Variants in METTL15 observed in about 807,000 individuals in gnomAD.
METTL15 encodes the protein 12S rRNA N(4)-cytidine methyltransferase METTL15.
A neutral mutation model predicts 38.3 loss-of-function variants in METTL15; 34 were observed. That is an observed-to-expected ratio of 0.89 (90% CI 0.68 to 1.18). The LOEUF (loss-of-function observed/expected upper bound fraction) is 1.18, where lower values mean the gene tolerates loss of function less well. Ranked by LOEUF, METTL15 falls within the 50% of genes most tolerant of loss-of-function variation. METTL15 has a pLI of 0.00. For missense variants in METTL15, 438 were observed against 498.4 expected, an observed-to-expected ratio of 0.88 and a Z score of 1.15; for synonymous variants, 162 against 170.9, an observed-to-expected ratio of 0.95 and a Z score of 0.41.
chr11:28,301,660 G>A (rs1043907597), intron 6 of METTL15, among the ~76,000 whole-genome samples: 11 of 151,976 alleles, frequency 7.2e-5, no homozygotes, highest in Non-Finnish European at 4.4e-5. Flanking sequence ...TGTTGAAATG[G>A]TAATATTTTA....
At chr11:28,328,609 A>G (rs935126075) in intron 6 of METTL15, among the ~76,000 whole-genome samples, 2 of 152,130 alleles carry the variant, frequency 1.3e-5, no homozygotes, top group African/African-American at 2.4e-5. Flanking sequence ...CTTCAGGAGC[A>G]TGGTACAAAA....
intron 5 of METTL15, among the ~76,000 whole-genome samples, chr11:28,373,164 C>A (rs1467125310): frequency 6.6e-6 from 1 of 152,006 alleles, no homozygotes; most frequent in Admixed American, 6.6e-5. Context: ...TCAAATGGTA[C>A]TTCTAGTTCT....
intron 6 of METTL15, among the ~76,000 whole-genome samples, chr11:28,318,386 T>C (rs1341119253): frequency 6.6e-6 from 1 of 151,944 alleles, no homozygotes. Context: ...TATATAAAAT[T>C]GCAGAACTGC....
chr11:28,389,990 G>T (rs994698292), intron 5 of METTL15, among the ~76,000 whole-genome samples: 2 of 151,962 alleles, frequency 1.3e-5, no homozygotes, highest in African/African-American at 2.4e-5. Context: ...CAGTGATGAC[G>T]AGCATTTTTT....
chr11:28,334,915 G>T (rs573732610), downstream of METTL15, among the ~76,000 whole-genome samples: 1 of 152,098 alleles, frequency 6.6e-6, no homozygotes, highest in East Asian at 1.9e-4. Context: ...AAATTATTAG[G>T]CAACAAAGTA....
intron 3 of METTL15, chr11:28,123,789 G>T: frequency 2.6e-6 from 3 of 1,143,626 alleles, no homozygotes; most frequent in Non-Finnish European, 3.7e-6. Flanking sequence ...TCTGTAATAG[G>T]TTTCTATATA....
At chr11:28,199,088 A>G (rs548016979) in intron 3 of METTL15, among the ~76,000 whole-genome samples, 7 of 152,020 alleles carry the variant, frequency 4.6e-5, no homozygotes, top group African/African-American at 1.4e-4. Context: ...GTTGTCAAAT[A>G]TTTGCCAGGT....
chr11:28,222,850 T>G (rs1413364596), intron 4 of METTL15, among the ~76,000 whole-genome samples: 1 of 152,184 alleles, frequency 6.6e-6, no homozygotes, highest in Non-Finnish European at 1.5e-5. Context: ...GGAAAAAGAT[T>G]GATATCTACT....
intron 3 of METTL15, among the ~76,000 whole-genome samples, chr11:28,124,862 C>G (rs970014565): frequency 2.5e-4 from 38 of 152,034 alleles, no homozygotes; most frequent in African/African-American, 8.7e-4. Context: ...TATATGAATA[C>G]TTTAATTTTT....
chr11:28,393,407 TTTA>T (rs768963290), intron 5 of METTL15, among the ~76,000 whole-genome samples: 7 of 152,144 alleles, frequency 4.6e-5, no homozygotes, highest in Non-Finnish European at 8.8e-5. Flanking sequence ...ATGATAATCA[TTTA>T]TTATTGTTCA....
At chr11:28,293,724 T>C (rs1420044383) in intron 5 of METTL15, among the ~76,000 whole-genome samples, 1 of 152,334 alleles carries the variant, frequency 6.6e-6, no homozygotes, top group African/African-American at 2.4e-5. Context: ...TATCCTCTTT[T>C]ATTTCATTGA....
intron 6 of METTL15, among the ~76,000 whole-genome samples, chr11:28,503,856 C>A (rs1342957205): frequency 2.0e-5 from 3 of 151,570 alleles, no homozygotes; most frequent in East Asian, 3.9e-4. Flanking sequence ...CATAAATATC[C>A]TGTTATACTG....
chr11:28,153,234 C>G (rs1334662929), intron 3 of METTL15, among the ~76,000 whole-genome samples: 1 of 152,026 alleles, frequency 6.6e-6, no homozygotes, highest in African/African-American at 2.4e-5. Flanking sequence ...TTACCCAGCT[C>G]CTATTCAAGA....
At chr11:28,145,670 A>G (rs1849856706) in intron 3 of METTL15, 1 of 152,042 alleles carries the variant, frequency 6.6e-6, no homozygotes, top group African/African-American at 2.4e-5. Context: ...TTTCAAAACT[A>G]TTTAAAATTT....
At chr11:28,108,550 T>A (rs1851584720) in intron 1 of METTL15, 98 bp downstream of exon 1, 1 of 152,316 alleles carries the variant, frequency 6.6e-6, no homozygotes, top group Admixed American at 6.5e-5. Context: ...GGGTGTTTAT[T>A]TTCTTTTCTC....
At chr11:28,121,775 TATGTGTTTAAAAGTCTC>T (rs570995758) in intron 3 of METTL15, among the ~76,000 whole-genome samples, 96 of 152,226 alleles carry the variant, frequency 6.3e-4, no homozygotes, top group African/African-American at 2.2e-3. Flanking sequence ...ATATCTTTGA[TATGTGTTTAAAAGTCTC>T]ATTAGTATTG....
chr11:28,297,037 C>G lies in METTL15; in HGVS notation c.778+106C>G, dbSNP rs940541220. ...TGCACATGTGTGTGTGCATTAATCC[C>G]CCAGACTCCCTGAGGGATTCATTTG... On this transcript the variant is annotated intron_variant, in intron 6 of 6. Transcript: ENST00000407364. 3.5e-6 allele frequency: 4 copies of G among 1,139,370 alleles called. No individual in the cohort carries two copies. In the African/African-American group the frequency reaches 6.1e-5, roughly 17 times the overall value. The allele number at this position is 1,139,370 out of a possible 1,614,324, so 70.6% of individuals were successfully genotyped here.
intron 6 of METTL15, among the ~76,000 whole-genome samples, chr11:28,451,371 G>A (rs978660020): frequency 6.6e-6 from 1 of 152,038 alleles, no homozygotes; most frequent in Non-Finnish European, 1.5e-5. Context: ...GGATCACGAG[G>A]TCAGGAGATG....
chr11:28,401,772 A>G (rs1363742533), intron 5 of METTL15, among the ~76,000 whole-genome samples: 2 of 152,132 alleles, frequency 1.3e-5, no homozygotes, highest in South Asian at 2.1e-4. Context: ...TTTGTAATTC[A>G]TAAGTTCTTG....
Sources: allele counts gnomAD v4.1 joint callset (sites outside exome capture counted in the v4.1 genomes callset), GRCh38; gene constraint gnomAD v4.1.1; transcripts MANE v1.5; gene names NCBI Gene and HGNC (gene_info 2026-07-23, HGNC 2026-07-21).